ANK3: variants seen among roughly 807,000 people sequenced by gnomAD.
ANK3 encodes the protein ankyrin-3.
In ANK3, 57 loss-of-function variants were observed where a neutral mutation model predicts 370.9. The observed-to-expected ratio is 0.15, with a 90% CI of 0.12 to 0.19. The LOEUF (loss-of-function observed/expected upper bound fraction) is 0.19, where lower values mean the gene tolerates loss of function less well. Ranked by LOEUF, ANK3 falls within the 10% of genes least tolerant of loss-of-function variation. The pLI is 1.00. For missense variants in ANK3, 4,439 were observed against 5,302.1 expected, an observed-to-expected ratio of 0.84 and a Z score of 5.06; for synonymous variants, 1,929 against 1,946.3, an observed-to-expected ratio of 0.99 and a Z score of 0.23.
intron 1 of ANK3, among the ~76,000 whole-genome samples, chr10:60,295,383 C>T (rs1013708753): frequency 6.6e-5 from 10 of 152,162 alleles, no homozygotes; most frequent in African/African-American, 9.7e-5. Flanking sequence ...GGAGATAATA[C>T]ATGCCGAGCA....
intron 1 of ANK3, among the ~76,000 whole-genome samples, chr10:60,289,906 G>A (rs1328672019): frequency 6.6e-6 from 1 of 152,192 alleles, no homozygotes; most frequent in East Asian, 1.9e-4. Flanking sequence ...CCATTCTTCT[G>A]TGTTTAAGGC....
intron 8 of ANK3, among the ~76,000 whole-genome samples, chr10:60,232,088 T>C (rs996039964): frequency 1.2e-4 from 18 of 152,180 alleles, no homozygotes; most frequent in African/African-American, 4.3e-4. Context: ...TGACCCTCTA[T>C]GCCCTCTAAA....
chr10:60,382,797 C>CTA (rs5785442), intron 1 of ANK3, among the ~76,000 whole-genome samples: 2,556 of 133,686 alleles, frequency 0.019, 49 homozygotes, highest in African/African-American at 0.031. Context: ...ATACCTAAAT[C>CTA]TATATATATA....
intron 26 of ANK3, among the ~76,000 whole-genome samples, chr10:60,112,634 C>T (rs1166151687): frequency 1.3e-5 from 2 of 152,094 alleles, no homozygotes; most frequent in Non-Finnish European, 2.9e-5. Context: ...TCCTCTGAGT[C>T]TGATTTTTTA....
At chr10:60,584,128 C>T (rs1288781331) in intron 2 of ANK3, among the ~76,000 whole-genome samples, 2 of 152,154 alleles carry the variant, frequency 1.3e-5, no homozygotes, top group African/African-American at 2.4e-5. Context: ...CCTCTACCTC[C>T]ACTTCTTACC....
At chr10:60,131,077 A>G (rs1160779083) in intron 25 of ANK3, among the ~76,000 whole-genome samples, 2 of 152,224 alleles carry the variant, frequency 1.3e-5, no homozygotes, top group African/African-American at 4.8e-5. Context: ...AATTCTGGAA[A>G]ACTTCAGCAT....
intron 1 of ANK3, among the ~76,000 whole-genome samples, chr10:60,315,035 G>A (rs914461819): frequency 2.0e-5 from 3 of 152,072 alleles, no homozygotes; most frequent in African/African-American, 7.2e-5. Context: ...CTTTCTCATG[G>A]TACTTTCCAT....
chr10:60,391,268 T>G (rs995274731), upstream of ANK3, among the ~76,000 whole-genome samples: 2 of 152,182 alleles, frequency 1.3e-5, no homozygotes, highest in Non-Finnish European at 2.9e-5. Context: ...GATGCTCACA[T>G]GCTTGACTTC....
At chr10:60,703,785 A>G (rs1178366491) in intron 1 of ANK3, among the ~76,000 whole-genome samples, 1 of 152,098 alleles carries the variant, frequency 6.6e-6, no homozygotes, top group African/African-American at 2.4e-5. Context: ...GCCCTCCCCA[A>G]AGGTAACCAC....
chr10:60,229,050 T>C (rs1304131910), intron 8 of ANK3, among the ~76,000 whole-genome samples: 4 of 152,212 alleles, frequency 2.6e-5, no homozygotes, highest in Admixed American at 1.3e-4. Context: ...AGATGCTCCC[T>C]CCATGTTCTC....
At chr10:60,230,009 G>C (rs958994233) in intron 8 of ANK3, among the ~76,000 whole-genome samples, 5 of 152,286 alleles carry the variant, frequency 3.3e-5, no homozygotes, top group African/African-American at 9.6e-5. Context: ...TTCTGGCAAT[G>C]AGAGTATTGT....
intron 1 of ANK3, among the ~76,000 whole-genome samples, chr10:60,691,104 C>T (rs1485291672): frequency 6.6e-6 from 1 of 152,074 alleles, no homozygotes; most frequent in Non-Finnish European, 1.5e-5. Context: ...ATGGCATCTA[C>T]CCACAGATCT....
chr10:60,507,796 TG>T (rs1215722898), intron 2 of ANK3: 4 of 152,080 alleles, frequency 2.6e-5, no homozygotes, highest in Admixed American at 2.0e-4. Context: ...AGTCCTATAA[TG>T]TTTTTTAAAA....
At chr10:60,446,102 T>A (rs935608576) in intron 2 of ANK3, among the ~76,000 whole-genome samples, 1 of 152,202 alleles carries the variant, frequency 6.6e-6, no homozygotes, top group African/African-American at 2.4e-5. Flanking sequence ...GGTGCCTTGA[T>A]GCGTTGATGC....
At chr10:60,043,487 T>G in intron 42 of ANK3, 1 of 985,430 alleles carries the variant, frequency 1.0e-6, no homozygotes, top group Non-Finnish European at 1.2e-6. Context: ...ATGTTTTCTC[T>G]GAGAGAAAGG....
chr10:60,559,978 G>A (rs967154089), intron 2 of ANK3, among the ~76,000 whole-genome samples: 4 of 152,102 alleles, frequency 2.6e-5, no homozygotes, highest in Non-Finnish European at 4.4e-5. Flanking sequence ...GGGAGGCAGA[G>A]GTTGCAGTGA....
At chr10:60,339,321 A>C (rs1219834425) in intron 1 of ANK3, among the ~76,000 whole-genome samples, 1 of 152,174 alleles carries the variant, frequency 6.6e-6, no homozygotes, top group Non-Finnish European at 1.5e-5. Flanking sequence ...TTAGAATCCT[A>C]TAACTCTTCT....
chr10:60,148,423 T>C (rs902914664), intron 23 of ANK3, among the ~76,000 whole-genome samples: 3 of 152,184 alleles, frequency 2.0e-5, no homozygotes, highest in Middle Eastern at 6.3e-3. Flanking sequence ...ATATCTAGCC[T>C]GGATTAAGAA....
intron 25 of ANK3, among the ~76,000 whole-genome samples, chr10:60,127,722 A>T (rs1590419987): frequency 7.3e-6 from 1 of 137,524 alleles, no homozygotes. Flanking sequence ...TTTTGGAGAC[A>T]GAGTCTCGCT....
Sources: allele counts gnomAD v4.1 joint callset (sites outside exome capture counted in the v4.1 genomes callset), GRCh38; gene constraint gnomAD v4.1.1; transcripts MANE v1.5; gene names NCBI Gene and HGNC (gene_info 2026-07-23, HGNC 2026-07-21).